C2orf76: variants seen among roughly 807,000 people sequenced by gnomAD.
C2orf76 encodes UPF0538 protein C2orf76.
A neutral mutation model predicts 16.9 loss-of-function variants in C2orf76; 23 were observed. The observed-to-expected ratio is 1.36, with a 90% CI of 0.98 to 1.93. The LOEUF (loss-of-function observed/expected upper bound fraction) is 1.93. C2orf76 is among the 30% of genes most tolerant of loss of function. The probability of loss-of-function intolerance (pLI) is 0.00; values close to 1 mark genes in which losing one functional copy is unlikely to be tolerated. For synonymous variants in C2orf76, 48 were observed against 52.3 expected (o/e 0.92, Z 0.35); for missense variants, 152 against 152.6 (o/e 1.00, Z 0.02).
At chr2:119,309,849 G>GCTT (rs1678925124) in intron 5 of C2orf76, among the ~76,000 whole-genome samples, 2 of 151,902 alleles carry the variant, frequency 1.3e-5, no homozygotes, top group African/African-American at 4.8e-5. Context: ...CCCCTTTATG[G>GCTT]CTTCTGTCTT....
At chr2:119,329,791 T>G (rs1004426171) in intron 2 of C2orf76, among the ~76,000 whole-genome samples, 4 of 152,196 alleles carry the variant, frequency 2.6e-5, no homozygotes, top group Non-Finnish European at 1.5e-5. Context: ...TGTCATAAAT[T>G]TCCCACAAAA....
intron 2 of C2orf76, 140 bp from the exon 3 acceptor site, chr2:119,321,344 C>T (rs187338322): frequency 3.8e-4 from 203 of 532,956 alleles, no homozygotes; most frequent in Non-Finnish European, 6.0e-4. Flanking sequence ...AAATACATCA[C>T]CGAAATCCAA....
chr2:119,292,148 C>T, the C2orf76 span, among the ~76,000 whole-genome samples: 1 of 152,138 alleles, frequency 6.6e-6, no homozygotes, highest in South Asian at 2.1e-4. Context: ...TTTTAAATGT[C>T]ACCACAAGTT....
At chr2:119,364,304 T>G (rs1680851431) in intron 1 of C2orf76, among the ~76,000 whole-genome samples, 1 of 152,176 alleles carries the variant, frequency 6.6e-6, no homozygotes, top group African/African-American at 2.4e-5. Context: ...GCCTCTCTAT[T>G]GATTGGCAGG....
chr2:119,345,665 T>C (rs895907334), intron 1 of C2orf76, among the ~76,000 whole-genome samples: 1 of 152,148 alleles, frequency 6.6e-6, no homozygotes, highest in Non-Finnish European at 1.5e-5. Context: ...AGTCAAACAT[T>C]TTACCCTTCC....
rs527519246 is a variant in C2orf76 at position 119,347,867 on chromosome 2, A to G, written c.-12-7896T>C. On this transcript the variant is annotated intron_variant, in intron 1 of 5. Transcript: ENST00000334816. ...ACTTGGCCACATCTTGCTTGAGTAT[A>G]GTCGATTTTACAGCCAGGAAATTGA... 2.0e-5 allele frequency among the ~76,000 whole-genome samples: 3 copies of G among 152,206 alleles called. 1 individual carries two copies. Among genetic ancestry groups the G allele is most frequent in the African/African-American group, 7.2e-5 (3 of 41,536 alleles).
At chr2:119,321,569 AC>A (rs891415898) in intron 2 of C2orf76, among the ~76,000 whole-genome samples, 9 of 152,226 alleles carry the variant, frequency 5.9e-5, no homozygotes, top group African/African-American at 1.7e-4. Context: ...CTTATTCACT[AC>A]CGTAAGAACA....
chr2:119,323,651 CA>C (rs976918277), intron 2 of C2orf76, among the ~76,000 whole-genome samples: 9 of 151,858 alleles, frequency 5.9e-5, no homozygotes, highest in Non-Finnish European at 8.8e-5. Flanking sequence ...CAAAACAAAA[CA>C]AAAAAAACCC....
chr2:119,336,237 T>C (rs1679841877), intron 2 of C2orf76, among the ~76,000 whole-genome samples: 1 of 151,448 alleles, frequency 6.6e-6, no homozygotes, highest in Non-Finnish European at 1.5e-5. Flanking sequence ...CTACTAAAAA[T>C]ATAAAATTAG....
At chr2:119,314,739 C>A (rs1325994007) in intron 4 of C2orf76, among the ~76,000 whole-genome samples, 1 of 152,036 alleles carries the variant, frequency 6.6e-6, no homozygotes, top group Non-Finnish European at 1.5e-5. Flanking sequence ...CATATAAACA[C>A]AAGTATTGTA....
intron 5 of C2orf76, among the ~76,000 whole-genome samples, chr2:119,304,959 T>C (rs906568816): frequency 3.3e-5 from 5 of 152,188 alleles, no homozygotes; most frequent in African/African-American, 9.7e-5. Flanking sequence ...AATGGCTCCT[T>C]TAAAACTGGC....
chr2:119,334,671 C>G (rs1280489151), intron 2 of C2orf76, among the ~76,000 whole-genome samples: 1 of 145,570 alleles, frequency 6.9e-6, no homozygotes, highest in Non-Finnish European at 1.5e-5. Context: ...GCCTGGGCAA[C>G]TGGAATGAGA....
At chr2:119,309,712 T>C (rs1678921038) in intron 5 of C2orf76, among the ~76,000 whole-genome samples, 2 of 152,226 alleles carry the variant, frequency 1.3e-5, no homozygotes, top group Admixed American at 1.3e-4. Flanking sequence ...TGAGCCACCA[T>C]GCCCGACCCC....
chr2:119,301,001 C>T (rs187326105), downstream of C2orf76, among the ~76,000 whole-genome samples: 18 of 151,958 alleles, frequency 1.2e-4, no homozygotes, highest in Non-Finnish European at 1.8e-4. Flanking sequence ...TTCCAGAAAG[C>T]CTTTCCCTTC....
At chr2:119,285,540 C>A in the C2orf76 span, among the ~76,000 whole-genome samples, 1 of 152,280 alleles carries the variant, frequency 6.6e-6, no homozygotes, top group South Asian at 2.1e-4. Context: ...TCGTATCCCA[C>A]CCCCAACACC....
intron 5 of C2orf76, among the ~76,000 whole-genome samples, chr2:119,309,181 T>G (rs115960923): frequency 0.013 from 1,947 of 152,200 alleles, 48 homozygotes; most frequent in African/African-American, 0.044. Context: ...CATGAGCCAC[T>G]GCACCTGGCC....
intron 2 of C2orf76, among the ~76,000 whole-genome samples, chr2:119,338,310 G>A (rs996314523): frequency 3.3e-5 from 5 of 152,278 alleles, no homozygotes; most frequent in African/African-American, 1.2e-4. Flanking sequence ...TCTCTCCCAA[G>A]GAAAACAAAG....
intron 2 of C2orf76, among the ~76,000 whole-genome samples, chr2:119,330,892 A>G (rs1679656563): frequency 6.6e-6 from 1 of 152,168 alleles, no homozygotes; most frequent in Admixed American, 6.5e-5. Flanking sequence ...GTATTTTTAA[A>G]TATCTTCCAT....
At chr2:119,361,338 A>C (rs1403547698) in intron 1 of C2orf76, among the ~76,000 whole-genome samples, 1 of 152,150 alleles carries the variant, frequency 6.6e-6, no homozygotes, top group Non-Finnish European at 1.5e-5. Context: ...TTATTTTGTT[A>C]CTCTCTTACT....
Sources: gnomAD v4.1 joint callset for allele counts (sites outside exome capture counted in the v4.1 genomes callset) on GRCh38, gnomAD v4.1.1 for gene constraint, MANE v1.5 for transcripts, NCBI Gene and HGNC (gene_info 2026-07-23, HGNC 2026-07-21) for gene names.